The following ULK4 variants were observed in gnomAD, a reference collection of about 807,000 sequenced individuals.
ULK4 encodes the protein unc-51 like kinase 4.
ULK4 carries 133 observed loss-of-function variants against 160.6 expected under a neutral mutation model. That is an observed-to-expected ratio of 0.83 (90% confidence interval 0.72 to 0.96). The LOEUF (loss-of-function observed/expected upper bound fraction) is 0.96, where lower values mean the gene tolerates loss of function less well. ULK4 is among the 40% of genes least tolerant of loss of function. The probability of loss-of-function intolerance (pLI) is 0.00; values close to 1 mark genes in which losing one functional copy is unlikely to be tolerated. For synonymous variants in ULK4, 534 were observed against 539.8 expected (o/e 0.99, Z 0.15); for missense variants, 1,580 against 1,499.5 (o/e 1.05, Z -0.89).
intron 8 of ULK4, among the ~76,000 whole-genome samples, chr3:41,915,678 G>C (rs1332599910): frequency 6.6e-6 from 1 of 152,090 alleles, no homozygotes; most frequent in Non-Finnish European, 1.5e-5. Context: ...GGTACCTCTT[G>C]GATTTGGGAG....
In ULK4 at chr3:41,603,131, G is replaced by A. The variant is rs187714234; in HGVS notation, c.3120+12538C>T. Among the ~76,000 whole-genome samples, 573 of 152,062 alleles carry A rather than the reference G, an allele frequency of 3.8e-3. 5 individuals carry two copies. The highest frequency in any genetic ancestry group is 0.013 in the African/African-American group (530 of 41,492). ...TAAAGGTAGAGTGAACATGCAACAGGAGATACCATGCAAACATTAATTAAA... is the reference window on the plus strand; with the variant it reads ...TAAAGGTAGAGTGAACATGCAACAGAAGATACCATGCAAACATTAATTAAA... On this transcript the variant is annotated intron_variant, in intron 31 of 36. Transcript: ENST00000301831.
chr3:41,364,846 A>C (rs1446466406), intron 35 of ULK4, among the ~76,000 whole-genome samples: 1 of 152,180 alleles, frequency 6.6e-6, no homozygotes, highest in Non-Finnish European at 1.5e-5. Flanking sequence ...CGGCTTCAAT[A>C]ATCACCCTTC....
chr3:41,558,338 C>T (rs764799914), intron 32 of ULK4, among the ~76,000 whole-genome samples: 1 of 151,990 alleles, frequency 6.6e-6, no homozygotes, highest in African/African-American at 2.4e-5. Flanking sequence ...ATATTTATCA[C>T]GGGGGTAAGT....
chr3:41,269,959 A>T (rs1327328926), intron 35 of ULK4, among the ~76,000 whole-genome samples: 1 of 152,206 alleles, frequency 6.6e-6, no homozygotes, highest in Admixed American at 6.5e-5. Flanking sequence ...ATCAGTATGA[A>T]CTGACATGTG....
intron 8 of ULK4, among the ~76,000 whole-genome samples, chr3:41,914,499 T>C (rs1698903014): frequency 6.6e-6 from 1 of 152,210 alleles, no homozygotes; most frequent in Non-Finnish European, 1.5e-5. Context: ...GTTCCTAGAA[T>C]GCAGGAAATG....
At chr3:41,930,834 G>A (rs1699567919) in intron 5 of ULK4, among the ~76,000 whole-genome samples, 1 of 152,090 alleles carries the variant, frequency 6.6e-6, no homozygotes, top group African/African-American at 2.4e-5. Flanking sequence ...AAAAAGTCAA[G>A]AAACAAAAAT....
chr3:41,491,154 A>G (rs571583676), intron 32 of ULK4, among the ~76,000 whole-genome samples: 35 of 152,326 alleles, frequency 2.3e-4, no homozygotes, highest in African/African-American at 8.2e-4. Flanking sequence ...AGACGGCCTT[A>G]AACAAATAAA....
chr3:41,480,809 G>A (rs563654913), intron 32 of ULK4, among the ~76,000 whole-genome samples: 5 of 152,146 alleles, frequency 3.3e-5, no homozygotes, highest in African/African-American at 9.7e-5. Flanking sequence ...AAGCAAACAC[G>A]TCCTTCTTCA....
At chr3:41,495,418 A>G (rs2084951238) in intron 32 of ULK4, among the ~76,000 whole-genome samples, 1 of 151,930 alleles carries the variant, frequency 6.6e-6, no homozygotes, top group Admixed American at 6.6e-5. Flanking sequence ...ACCTTACACA[A>G]AAATTAATTC....
At chr3:41,564,201 A>G (rs1377231287) in intron 32 of ULK4, among the ~76,000 whole-genome samples, 1 of 152,038 alleles carries the variant, frequency 6.6e-6, no homozygotes, top group Admixed American at 6.5e-5. Flanking sequence ...AGGCTGCAGA[A>G]CAGCAAATAA....
chr3:41,491,048 C>A (rs947829043), intron 32 of ULK4, among the ~76,000 whole-genome samples: 16 of 152,088 alleles, frequency 1.1e-4, no homozygotes, highest in African/African-American at 3.4e-4. Flanking sequence ...TTAACAATAG[C>A]AACGAAAAGA....
chr3:41,376,240 A>C (rs1479727303), intron 35 of ULK4, among the ~76,000 whole-genome samples: 2 of 150,206 alleles, frequency 1.3e-5, no homozygotes, highest in African/African-American at 2.5e-5. Context: ...CTGGAACTAG[A>C]AATACCATTT....
intron 17 of ULK4, among the ~76,000 whole-genome samples, chr3:41,850,318 T>A (rs2042178790): frequency 6.6e-6 from 1 of 152,230 alleles, no homozygotes; most frequent in South Asian, 2.1e-4. Flanking sequence ...ATCCTTTGGG[T>A]ATATACCCAG....
intron 34 of ULK4, among the ~76,000 whole-genome samples, chr3:41,415,429 C>T (rs1485179746): frequency 6.6e-6 from 1 of 152,098 alleles, no homozygotes; most frequent in African/African-American, 2.4e-5. Context: ...CCCCTACAAT[C>T]CATTTTCCCC....
At chr3:41,467,882 G>A (rs2083875238) in intron 32 of ULK4, among the ~76,000 whole-genome samples, 1 of 152,132 alleles carries the variant, frequency 6.6e-6, no homozygotes, top group African/African-American at 2.4e-5. Flanking sequence ...AGCAGTGCAT[G>A]CATTTTTCAA....
chr3:41,680,972 CTG>C (rs2035903581), intron 29 of ULK4, among the ~76,000 whole-genome samples: 1 of 152,166 alleles, frequency 6.6e-6, no homozygotes, highest in South Asian at 2.1e-4. Context: ...AGTCATCCTG[CTG>C]TGTGTTTGCT....
chr3:41,512,495 C>T (rs936892579), intron 32 of ULK4, among the ~76,000 whole-genome samples: 1 of 152,090 alleles, frequency 6.6e-6, no homozygotes, highest in African/African-American at 2.4e-5. Flanking sequence ...AGCTGAGAAT[C>T]AAATCAAGAA....
intron 32 of ULK4, among the ~76,000 whole-genome samples, chr3:41,499,505 T>C (rs2085112694): frequency 6.6e-6 from 1 of 152,188 alleles, no homozygotes; most frequent in Admixed American, 6.5e-5. Context: ...TTTTTATTGA[T>C]CGGCACAAAA....
intron 30 of ULK4, among the ~76,000 whole-genome samples, chr3:41,657,818 TA>T (rs60281588): frequency 0.62 from 62,279 of 100,108 alleles, 19,358 homozygotes; most frequent in East Asian, 0.7. Flanking sequence ...TCCATCTCAT[TA>T]AAAAAAAAAA....
Sources: gnomAD v4.1 joint callset for allele counts (sites outside exome capture counted in the v4.1 genomes callset) on GRCh38, gnomAD v4.1.1 for gene constraint, MANE v1.5 for transcripts, NCBI Gene and HGNC (gene_info 2026-07-23, HGNC 2026-07-21) for gene names.